Variants in ANO3 observed in about 807,000 individuals in gnomAD.
ANO3 encodes anoctamin 3.
In ANO3, 99 loss-of-function variants were observed where a neutral mutation model predicts 144.8. That is an observed-to-expected ratio of 0.68 (90% confidence interval 0.58 to 0.81). ANO3 has a LOEUF of 0.81. Among genes scored for constraint, ANO3 ranks in the 30% least tolerant of loss-of-function variants. The probability of loss-of-function intolerance (pLI) is 0.00; values close to 1 mark genes in which losing one functional copy is unlikely to be tolerated. For synonymous variants in ANO3, 414 were observed against 392.6 expected (o/e 1.05, Z -0.64); for missense variants, 905 against 1,202.2 (o/e 0.75, Z 3.66).
At chr11:26,451,470 G>A (rs1190756438) in intron 3 of ANO3, among the ~76,000 whole-genome samples, 1 of 152,190 alleles carries the variant, frequency 6.6e-6, no homozygotes, top group Non-Finnish European at 1.5e-5. Context: ...CGCCCACGGA[G>A]TCTCGCTGAT....
rs1332567563 is a variant in ANO3, at chr11:26,396,734, T to C, written c.47-45184T>C. Among the ~76,000 whole-genome samples the C allele has an allele frequency of 2.0e-5, 3 of 151,960 alleles. No individual in the cohort carries two copies. The East Asian group carries it at 5.8e-4, about 30-fold the overall frequency. On this transcript the variant is annotated intron_variant, in intron 1 of 26. Coordinates refer to ENST00000256737, the MANE Select transcript of ANO3 (RefSeq NM_031418.4). ...ACATGTTGTCACTTATAAGTGGAAG[T>C]TGAACAATGAGAACACATGGACACA...
chr11:26,253,678 G>C (rs947180410), intron 1 of ANO3, among the ~76,000 whole-genome samples: 1 of 152,098 alleles, frequency 6.6e-6, no homozygotes, highest in Non-Finnish European at 1.5e-5. Context: ...TGTAGATAGA[G>C]AAGTTGAACT....
At chr11:26,506,791 T>C (rs923891833) in intron 4 of ANO3, among the ~76,000 whole-genome samples, 4 of 152,206 alleles carry the variant, frequency 2.6e-5, no homozygotes, top group Non-Finnish European at 4.4e-5. Context: ...GACTCTTTCT[T>C]GGATATTCTT....
At chr11:26,253,923 A>T (rs1564935301) in intron 1 of ANO3, among the ~76,000 whole-genome samples, 2 of 152,160 alleles carry the variant, frequency 1.3e-5, no homozygotes, top group Non-Finnish European at 2.9e-5. Context: ...GTGCTACCAA[A>T]TGTCGAGCGA....
chr11:26,466,999 T>C (rs1168213331), intron 4 of ANO3, among the ~76,000 whole-genome samples: 1 of 151,950 alleles, frequency 6.6e-6, no homozygotes, highest in Non-Finnish European at 1.5e-5. Context: ...TTAAGCAACC[T>C]ATCTAAAACT....
chr11:26,458,046 A>G (rs1859234560), intron 3 of ANO3, among the ~76,000 whole-genome samples: 1 of 152,146 alleles, frequency 6.6e-6, no homozygotes, highest in Non-Finnish European at 1.5e-5. Context: ...GGAGAAAGTC[A>G]TCTTAAAAAT....
chr11:26,639,835 A>T (rs1433957183), intron 21 of ANO3, among the ~76,000 whole-genome samples: 1 of 152,194 alleles, frequency 6.6e-6, no homozygotes, highest in Non-Finnish European at 1.5e-5. Context: ...CTCATATATT[A>T]AAATACACTT....
chr11:26,546,273 G>A (rs1160369767), intron 11 of ANO3, among the ~76,000 whole-genome samples: 1 of 151,788 alleles, frequency 6.6e-6, no homozygotes, highest in Non-Finnish European at 1.5e-5. Context: ...GGTTTCCTAG[G>A]AGAGAGAGAT....
rs554842198 is a variant in ANO3, at chr11:26,404,027, CT to C, written c.47-37884del. On this transcript the variant is annotated intron_variant, in intron 1 of 26. Coordinates refer to ENST00000256737, the MANE Select transcript of ANO3 (RefSeq NM_031418.4). ...TTTGGTCGCATGCCATGCTTTTTGT[CT>C]TTTTTTCCGAATGCTTTTAAATGCC... Among the ~76,000 whole-genome samples the C allele has an allele frequency of 3.0e-3, 457 of 151,718 alleles. 1 individual carries two copies. Among genetic ancestry groups the C allele is most frequent in the Middle Eastern group, 6.8e-3 (2 of 294 alleles).
intron 14 of ANO3, chr11:26,565,137 A>C: frequency 2.7e-6 from 4 of 1,488,416 alleles, no homozygotes; most frequent in Non-Finnish European, 3.6e-6. Flanking sequence ...TTTCACACAA[A>C]AGGAAAGTTA....
In ANO3 at chr11:26,656,405, G is replaced by A; in HGVS notation, c.2687G>A (p.Ser896Asn). 6.2e-7 allele frequency: 1 copy of A among 1,610,368 alleles called. No homozygotes were observed. The highest frequency in any genetic ancestry group is 8.5e-7 in the Non-Finnish European group (1 of 1,176,682). The part of the protein sequence containing the change: ...RYRDYRGPPW[S>N]SKPYEFTLQY... Reference sequence around the variant, plus strand: ...AGAGACTACAGAGGCCCGCCCTGGAGTTCCAAACCCTATGAGTTTACTTTA... The same window carrying A: ...AGAGACTACAGAGGCCCGCCCTGGAATTCCAAACCCTATGAGTTTACTTTA... The change falls in exon 26 of 27, where the codon AGT becomes AAT. Residue 896 changes from serine to asparagine, a missense_variant. Transcript: ENST00000256737.
At chr11:26,470,101 T>C (rs1859726725) in intron 4 of ANO3, among the ~76,000 whole-genome samples, 1 of 151,870 alleles carries the variant, frequency 6.6e-6, no homozygotes, top group African/African-American at 2.4e-5. Flanking sequence ...AGAATGCAAT[T>C]AGAAGTTAGC....
chr11:26,320,264 C>G (rs963858338), intron 1 of ANO3, among the ~76,000 whole-genome samples: 2 of 152,194 alleles, frequency 1.3e-5, no homozygotes, highest in African/African-American at 4.8e-5. Context: ...ACAAAATGAC[C>G]TTCAGAGTAT....
At chr11:26,593,125 A>G (rs1472301031) in intron 14 of ANO3, among the ~76,000 whole-genome samples, 2 of 152,194 alleles carry the variant, frequency 1.3e-5, no homozygotes, top group African/African-American at 2.4e-5. Flanking sequence ...TAGTCTCCTA[A>G]TGGCTTCCTG....
At chr11:26,531,366 A>G in intron 8 of ANO3, 30 bp downstream of exon 8, 1 of 1,579,754 alleles carries the variant, frequency 6.3e-7, no homozygotes. Context: ...CATACTGCCT[A>G]CCTTTATATC....
intron 14 of ANO3, among the ~76,000 whole-genome samples, chr11:26,593,831 G>A (rs1278846612): frequency 1.3e-5 from 2 of 152,152 alleles, no homozygotes; most frequent in African/African-American, 4.8e-5. Flanking sequence ...CTTGCCGAGG[G>A]CCATGACTAA....
chr11:26,404,983 A>T (rs1210693526), intron 1 of ANO3, among the ~76,000 whole-genome samples: 2 of 143,802 alleles, frequency 1.4e-5, no homozygotes, highest in Non-Finnish European at 3.1e-5. Flanking sequence ...GTGTGTGTCT[A>T]TATATCTATA....
intron 17 of ANO3, among the ~76,000 whole-genome samples, chr11:26,606,700 C>G (rs381229): frequency 0.89 from 135,219 of 152,078 alleles, 60,235 homozygotes; most frequent in East Asian, 0.96. Context: ...ATAGGACACA[C>G]ATGGGTCTTG....
intron 5 of ANO3, among the ~76,000 whole-genome samples, chr11:26,514,314 T>A (rs1172855765): frequency 6.6e-6 from 1 of 152,078 alleles, no homozygotes; most frequent in East Asian, 1.9e-4. Flanking sequence ...TTGTAAGTCA[T>A]CATCATTTTG....
Sources: allele counts gnomAD v4.1 joint callset (sites outside exome capture counted in the v4.1 genomes callset), GRCh38; gene constraint gnomAD v4.1.1; transcripts MANE v1.5; gene names NCBI Gene and HGNC (gene_info 2026-07-23, HGNC 2026-07-21).